Variants in SH3PXD2A observed in about 807,000 individuals in gnomAD.
The protein encoded by SH3PXD2A is SH3 and PX domain-containing protein 2A.
A neutral mutation model predicts 115.2 loss-of-function variants in SH3PXD2A; 32 were observed. The observed-to-expected ratio is 0.28, with a 90% CI of 0.21 to 0.37. The LOEUF (loss-of-function observed/expected upper bound fraction) is 0.37. Ranked by LOEUF, SH3PXD2A falls within the 10% of genes least tolerant of loss-of-function variation. The pLI is 1.00. For missense variants in SH3PXD2A, 1,328 were observed against 1,498.7 expected, an observed-to-expected ratio of 0.89 and a Z score of 1.88; for synonymous variants, 610 against 629.1, an observed-to-expected ratio of 0.97 and a Z score of 0.45.
intron 8 of SH3PXD2A, among the ~76,000 whole-genome samples, chr10:103,628,134 A>C (rs1445784779): frequency 2.0e-5 from 3 of 152,236 alleles, no homozygotes; most frequent in Non-Finnish European, 4.4e-5. Flanking sequence ...AGGTGGGCTC[A>C]GCACTGGGAG....
At chr10:103,827,809 C>G (rs1299953520) in intron 1 of SH3PXD2A, among the ~76,000 whole-genome samples, 3 of 152,204 alleles carry the variant, frequency 2.0e-5, no homozygotes, top group Non-Finnish European at 4.4e-5. Flanking sequence ...AGTCATGGGG[C>G]CTAGATTTGA....
At chr10:103,851,947 C>T (rs745551568) in intron 1 of SH3PXD2A, among the ~76,000 whole-genome samples, 3 of 152,216 alleles carry the variant, frequency 2.0e-5, no homozygotes, top group Non-Finnish European at 4.4e-5. Context: ...TATACCTATA[C>T]CTGCCTGTGA....
intron 4 of SH3PXD2A, among the ~76,000 whole-genome samples, chr10:103,727,422 C>G (rs2038254110): frequency 6.6e-6 from 1 of 152,114 alleles, no homozygotes; most frequent in African/African-American, 2.4e-5. Context: ...CAGGGGGCCC[C>G]AGGAGAGAGT....
intron 2 of SH3PXD2A, among the ~76,000 whole-genome samples, chr10:103,792,554 T>C (rs2039045757): frequency 6.6e-6 from 1 of 152,220 alleles, no homozygotes; most frequent in South Asian, 2.1e-4. Flanking sequence ...TTTTTCCTGT[T>C]ACCCAGTGAG....
At chr10:103,694,985 T>G (rs115217889) in intron 5 of SH3PXD2A, among the ~76,000 whole-genome samples, 1 of 152,180 alleles carries the variant, frequency 6.6e-6, no homozygotes, top group Non-Finnish European at 1.5e-5. Context: ...AGGGAATTCC[T>G]GAGAGGAGGA....
chr10:103,689,321 G>A (rs2037718768), intron 6 of SH3PXD2A, among the ~76,000 whole-genome samples: 1 of 152,144 alleles, frequency 6.6e-6, no homozygotes, highest in African/African-American at 2.4e-5. Context: ...TGGAGGTGGG[G>A]AGACAGTTGG....
intron 13 of SH3PXD2A, among the ~76,000 whole-genome samples, chr10:103,607,334 A>AC (rs1219563674): frequency 7.5e-6 from 1 of 132,458 alleles, no homozygotes; most frequent in African/African-American, 2.9e-5. Context: ...AGCCCCTCCG[A>AC]CCGGCAGCTG....
At chr10:103,722,416 T>C (rs147064533) in intron 5 of SH3PXD2A, among the ~76,000 whole-genome samples, 6 of 152,306 alleles carry the variant, frequency 3.9e-5, no homozygotes, top group African/African-American at 1.4e-4. Flanking sequence ...ATTCCCTTTT[T>C]ACAGATGGTT....
chr10:103,715,550 C>T (rs1442814551), intron 5 of SH3PXD2A, among the ~76,000 whole-genome samples: 1 of 152,186 alleles, frequency 6.6e-6, no homozygotes, highest in Non-Finnish European at 1.5e-5. Flanking sequence ...GTGTATGACT[C>T]AGTGCCCAGT....
intron 5 of SH3PXD2A, among the ~76,000 whole-genome samples, chr10:103,697,437 C>T (rs2037838037): frequency 6.6e-6 from 1 of 152,200 alleles, no homozygotes; most frequent in Non-Finnish European, 1.5e-5. Context: ...TCCTTAAGGA[C>T]CTCACCACGA....
rs1237651458 is a variant in SH3PXD2A at position 103,613,001 on chromosome 10, C to T, written c.1110G>A (p.Glu370=). The T allele has an allele frequency of 8.7e-6, 14 of 1,614,128 alleles. No individual in the cohort carries two copies. The highest frequency in any genetic ancestry group is 2.2e-5 in the South Asian group (2 of 91,094). Residue 370 remains glutamate, a synonymous_variant, in exon 12 of 15, where the codon GAG becomes GAA. Transcript: ENST00000369774. ...TGATCTCCTTCTTGGCAATGGGGGC[C>T]TCATGGCCCTCGCCTTCGGCTGGTG... ...ETPPAEGEGH[E]APIAKKEISL...
chr10:103,662,560 C>T (rs983125716), intron 7 of SH3PXD2A, among the ~76,000 whole-genome samples: 8 of 150,936 alleles, frequency 5.3e-5, no homozygotes, highest in Admixed American at 2.6e-4. Context: ...CCACCGCGCC[C>T]GGCTAATTTT....
rs535474036 is a variant in SH3PXD2A, at chr10:103,626,719, G to A, written c.718+370C>T. Among the ~76,000 whole-genome samples, 15 of 151,288 alleles carry A rather than the reference G, an allele frequency of 9.9e-5. No homozygotes were observed. The South Asian group carries it at 3.1e-3, about 32-fold the overall frequency. ...AGGCATGTGGATCGCTTGAGCCCAG[G>A]AGTTTGAGACCAGCCTGGCCAACAT... On this transcript the variant is annotated intron_variant, in intron 9 of 14. Transcript: ENST00000369774.
At chr10:103,650,435 A>G (rs1324282831) in intron 8 of SH3PXD2A, among the ~76,000 whole-genome samples, 3 of 152,212 alleles carry the variant, frequency 2.0e-5, no homozygotes, top group Admixed American at 1.3e-4. Flanking sequence ...CTCTTTGTCT[A>G]TATTTAAGGC....
At position 103,602,574 on chromosome 10, in the gene SH3PXD2A, A is replaced by T. The variant is rs1343975196; in HGVS notation, c.2644T>A (p.Phe882Ile). ...KQESGWWYVR[F>I]GELEGWAPSH... ...GGGGCCCAGCCCTCCAGCTCCCCAA[A>T]CCTCACATACCACCACCCGCTCTCC... The change falls in exon 15 of 15, where the codon TTT becomes ATT. Residue 882 changes from phenylalanine to isoleucine, a missense_variant. Physicochemically the swap from Phe to Ile is conservative, Grantham distance 21 (BLOSUM62 0). This residue lies in a region of SH3PXD2A where 574 missense variants were observed against 565.7 expected (regional missense o/e 1.01). Coordinates refer to ENST00000369774, the MANE Select transcript of SH3PXD2A (RefSeq NM_001394015.1). 10 of 1,613,648 alleles carry T rather than the reference A, an allele frequency of 6.2e-6. No individual in the cohort carries two copies. The highest frequency in any genetic ancestry group is 8.5e-6 in the Non-Finnish European group (10 of 1,179,900).
intron 3 of SH3PXD2A, among the ~76,000 whole-genome samples, chr10:103,760,292 G>C (rs1564882513): frequency 6.6e-6 from 1 of 152,226 alleles, no homozygotes; most frequent in Non-Finnish European, 1.5e-5. Context: ...AACCAGGTCA[G>C]GTGCAGTGGC....
At position 103,700,074 on chromosome 10, in the gene SH3PXD2A, A is replaced by ACTGT. The variant is rs1050034244; in HGVS notation, c.399-7022_399-7019dup. The stretch of plus-strand genomic sequence containing the variant: ...CCTGTCCACAGCAAAAGAACAAAGC[A>ACTGT]CTGTCTGTCTGTCTCCTCTGACTTG... On this transcript the variant is annotated intron_variant, in intron 5 of 14. Transcript: ENST00000369774. Among the ~76,000 whole-genome samples, 81 of 152,204 alleles carry ACTGT rather than the reference A, an allele frequency of 5.3e-4. 1 individual carries two copies. The highest frequency in any genetic ancestry group is 1.8e-3 in the Admixed American group (27 of 15,286).
At chr10:103,693,910 C>A (rs2037792766) in intron 5 of SH3PXD2A, among the ~76,000 whole-genome samples, 2 of 152,172 alleles carry the variant, frequency 1.3e-5, no homozygotes, top group Non-Finnish European at 2.9e-5. Flanking sequence ...AGGCACTGCA[C>A]CCTCCCAGCC....
At chr10:103,798,851 C>T (rs745318882) in intron 2 of SH3PXD2A, among the ~76,000 whole-genome samples, 4 of 152,246 alleles carry the variant, frequency 2.6e-5, no homozygotes, top group African/African-American at 7.2e-5. Flanking sequence ...CACAGAGTGA[C>T]GCCAAGTGAG....
Sources: allele counts gnomAD v4.1 joint callset (sites outside exome capture counted in the v4.1 genomes callset), GRCh38; gene constraint gnomAD v4.1.1; regional missense constraint gnomAD v4.1.1; transcripts MANE v1.5; gene names NCBI Gene and HGNC (gene_info 2026-07-23, HGNC 2026-07-21).